Variants in CHSY3 observed in about 807,000 individuals in gnomAD.
CHSY3 encodes N-acetylgalactosaminyl-proteoglycan 3-beta-glucuronosyltransferase 3.
Under a neutral mutation model 67.2 loss-of-function variants are expected in CHSY3, and 35 were observed. The ratio of observed to expected loss-of-function variants is 0.52; its 90% CI spans 0.40 to 0.69. The LOEUF (loss-of-function observed/expected upper bound fraction) is 0.69, where lower values mean the gene tolerates loss of function less well. Ranked by LOEUF, CHSY3 falls within the 30% of genes least tolerant of loss-of-function variation. CHSY3 has a pLI of 0.00. For synonymous variants in CHSY3, 474 were observed against 434.7 expected (o/e 1.09, Z -1.12); for missense variants, 1,069 against 1,138.5 (o/e 0.94, Z 0.88).
intron 2 of CHSY3, among the ~76,000 whole-genome samples, chr5:130,162,729 C>T (rs1769594021): frequency 6.6e-6 from 1 of 152,010 alleles, no homozygotes; most frequent in South Asian, 2.1e-4. Context: ...TGTTATTTCT[C>T]ATTATGCTCT....
At chr5:129,905,668 T>C (rs772077983) in intron 1 of CHSY3, 37 bp downstream of exon 1, 2 of 1,602,022 alleles carry the variant, frequency 1.2e-6, no homozygotes, top group Admixed American at 1.7e-5. Flanking sequence ...CCTGCCAGTC[T>C]CCCCGACTCC....
intron 2 of CHSY3, among the ~76,000 whole-genome samples, chr5:129,929,498 A>C (rs892751982): frequency 2.0e-5 from 3 of 152,132 alleles, no homozygotes; most frequent in Non-Finnish European, 4.4e-5. Context: ...CTAGAATTTC[A>C]CTTGATGGGC....
chr5:130,126,527 A>G (rs1768293872), intron 2 of CHSY3, among the ~76,000 whole-genome samples: 1 of 152,126 alleles, frequency 6.6e-6, no homozygotes, highest in Non-Finnish European at 1.5e-5. Flanking sequence ...GTTATGGTAG[A>G]GAGAGCAAGA....
At chr5:130,141,719 A>T in intron 2 of CHSY3, 2 of 508,622 alleles carry the variant, frequency 3.9e-6, no homozygotes, top group South Asian at 2.8e-5. Flanking sequence ...GTTGAGGACA[A>T]ACAGAAGATT....
intron 2 of CHSY3, among the ~76,000 whole-genome samples, chr5:130,170,921 T>G (rs550867928): frequency 3.6e-4 from 54 of 151,804 alleles, no homozygotes; most frequent in African/African-American, 1.3e-3. Context: ...AAATGATAAC[T>G]TCCCTTTTTC....
intron 2 of CHSY3, among the ~76,000 whole-genome samples, chr5:130,020,426 T>C (rs1464851364): frequency 3.0e-4 from 1 of 3,346 alleles, no homozygotes. Context: ...TCTCAAAATA[T>C]ATATATATAT....
chr5:129,967,518 G>C (rs1266354342), intron 2 of CHSY3, among the ~76,000 whole-genome samples: 1 of 151,642 alleles, frequency 6.6e-6, no homozygotes, highest in Non-Finnish European at 1.5e-5. Context: ...TTTACCAGTC[G>C]CTGCTATTTG....
rs564655442 is a variant in CHSY3 at position 130,140,301 on chromosome 5, G to C, written c.1087-43928G>C. 5 of 466,214 alleles carry C rather than the reference G, an allele frequency of 1.1e-5. No individual in the cohort carries two copies. The East Asian group carries it at 2.1e-4, about 20-fold the overall frequency. 28.9% of individuals were successfully genotyped at this position (466,214 alleles called of 1,614,324 possible). A position where few individuals can be genotyped will look rare whatever the true frequency, so the allele number is the denominator to read the frequency against. Reference sequence around the variant, plus strand: ...TTGTCCAGTCTAATATGAAGCATCAGCCCTTCATAGTGGTGAATAAGCACA... The same window carrying C: ...TTGTCCAGTCTAATATGAAGCATCACCCCTTCATAGTGGTGAATAAGCACA... On this transcript the variant is annotated intron_variant, in intron 2 of 2. Transcript: ENST00000305031.
At chr5:130,103,357 G>T (rs1767308765) in intron 2 of CHSY3, among the ~76,000 whole-genome samples, 1 of 152,064 alleles carries the variant, frequency 6.6e-6, no homozygotes, top group South Asian at 2.1e-4. Context: ...TTCTATAATT[G>T]AGTTATTTAC....
intron 2 of CHSY3, among the ~76,000 whole-genome samples, chr5:130,133,149 A>G (rs1768536555): frequency 6.6e-6 from 1 of 152,196 alleles, no homozygotes; most frequent in African/African-American, 2.4e-5. Context: ...AATTTACAAA[A>G]AGTTCTCCAT....
intron 2 of CHSY3, among the ~76,000 whole-genome samples, chr5:129,994,231 T>C (rs891773670): frequency 6.6e-6 from 1 of 152,154 alleles, no homozygotes; most frequent in Non-Finnish European, 1.5e-5. Context: ...TGGTGTTCTG[T>C]GTATTTCCTG....
At position 130,135,425 on chromosome 5, in the gene CHSY3, T is replaced by C. The variant is rs908633400; in HGVS notation, c.1087-48804T>C. Among the ~76,000 whole-genome samples, 59 of 152,172 alleles carry C rather than the reference T, an allele frequency of 3.9e-4. 1 individual carries two copies. Among genetic ancestry groups the C allele is most frequent in the African/African-American group, 1.4e-3 (57 of 41,458 alleles). On this transcript the variant is annotated intron_variant, in intron 2 of 2. Coordinates refer to ENST00000305031, the MANE Select transcript of CHSY3 (RefSeq NM_175856.5). ...CTGCCAAGTGGAGTCACTGAAAAGATACTGAGGTTTATCCTTAGAAAATCA... is the reference window on the plus strand; with the variant it reads ...CTGCCAAGTGGAGTCACTGAAAAGACACTGAGGTTTATCCTTAGAAAATCA...
chr5:129,915,685 G>A (rs1012428449), intron 2 of CHSY3, among the ~76,000 whole-genome samples: 4 of 152,014 alleles, frequency 2.6e-5, no homozygotes, highest in Non-Finnish European at 5.9e-5. Context: ...TAGAGTTTCT[G>A]TGTCTCAAAA....
intron 2 of CHSY3, among the ~76,000 whole-genome samples, chr5:130,004,195 A>G (rs767820049): frequency 6.6e-6 from 1 of 152,272 alleles, no homozygotes; most frequent in South Asian, 2.1e-4. Flanking sequence ...GTTGTTTCTC[A>G]TTTGTTTTTG....
intron 2 of CHSY3, among the ~76,000 whole-genome samples, chr5:130,174,268 A>T (rs1378190782): frequency 6.6e-6 from 1 of 151,758 alleles, no homozygotes; most frequent in Non-Finnish European, 1.5e-5. Flanking sequence ...ATACAAACAG[A>T]TTTTTCCAAG....
intron 2 of CHSY3, among the ~76,000 whole-genome samples, chr5:129,997,847 TC>T (rs1306430210): frequency 6.6e-6 from 1 of 152,194 alleles, no homozygotes; most frequent in African/African-American, 2.4e-5. Flanking sequence ...TTACCCTTTT[TC>T]TTATGGCTGC....
chr5:130,127,970 AT>A (rs1284764360), intron 2 of CHSY3, among the ~76,000 whole-genome samples: 1 of 152,168 alleles, frequency 6.6e-6, no homozygotes, highest in Non-Finnish European at 1.5e-5. Context: ...TTCACTGACA[AT>A]TTGCAACTTT....
chr5:130,108,372 T>C (rs964903265), intron 2 of CHSY3, among the ~76,000 whole-genome samples: 5 of 151,620 alleles, frequency 3.3e-5, no homozygotes, highest in African/African-American at 1.2e-4. Flanking sequence ...ATATATCACA[T>C]ATTATAAATT....
chr5:129,982,566 TA>T (rs1264406844), intron 2 of CHSY3, among the ~76,000 whole-genome samples: 2 of 152,108 alleles, frequency 1.3e-5, no homozygotes, highest in Non-Finnish European at 2.9e-5. Context: ...TTCAGAACTA[TA>T]TTTTTTTAAA....
Sources: allele counts gnomAD v4.1 joint callset (sites outside exome capture counted in the v4.1 genomes callset), GRCh38; gene constraint gnomAD v4.1.1; transcripts MANE v1.5; gene names NCBI Gene and HGNC (gene_info 2026-07-23, HGNC 2026-07-21).